LAMA4: variants seen among roughly 807,000 people sequenced by gnomAD.
The protein encoded by LAMA4 is laminin subunit alpha-4.
In LAMA4, 127 loss-of-function variants were observed where a neutral mutation model predicts 207.1. The observed-to-expected ratio is 0.61, with a 90% CI of 0.53 to 0.71. The LOEUF is 0.71. LAMA4 is among the 30% of genes least tolerant of loss of function. The pLI is 0.00. For missense variants in LAMA4, 2,093 were observed against 2,246.5 expected, an observed-to-expected ratio of 0.93 and a Z score of 1.38; for synonymous variants, 761 against 816.0, an observed-to-expected ratio of 0.93 and a Z score of 1.15.
At chr6:112,149,384 T>G (rs1271014704) in intron 17 of LAMA4, among the ~76,000 whole-genome samples, 2 of 152,144 alleles carry the variant, frequency 1.3e-5, no homozygotes, top group Non-Finnish European at 2.9e-5. Flanking sequence ...AATCTCATCT[T>G]GAATTGTAAT....
chr6:112,191,532 G>A, intron 6 of LAMA4, 104 bp downstream of exon 6: 1 of 819,994 alleles, frequency 1.2e-6, no homozygotes. Context: ...AAGTGACAAG[G>A]GGGCACTCAC....
At chr6:112,206,371 A>G (rs1037104592) in intron 4 of LAMA4, among the ~76,000 whole-genome samples, 30 of 152,222 alleles carry the variant, frequency 2.0e-4, no homozygotes, top group African/African-American at 7.0e-4. Context: ...GGAAAACCAT[A>G]TATCACTATA....
intron 6 of LAMA4, among the ~76,000 whole-genome samples, chr6:112,190,551 A>G (rs1490600369): frequency 6.6e-6 from 1 of 152,230 alleles, no homozygotes; most frequent in African/African-American, 2.4e-5. Flanking sequence ...CATAAGAGTA[A>G]GACATACTCA....
At position 112,254,290 on chromosome 6, in the gene LAMA4, A is replaced by T; in HGVS notation, c.-140T>A. ...ATCCCGAGGTGGCTGCGCAACCAGC[A>T]GCTTAGGAAATAAAGGGAAAGTGCG... is the stretch of plus-strand genomic sequence containing the variant. On this transcript the variant is annotated splice_region_variant and 5_prime_UTR_variant, in exon 2 of 39. Coordinates refer to ENST00000230538, the MANE Select transcript of LAMA4 (RefSeq NM_001105206.3). The T allele has an allele frequency of 9.9e-7, 1 of 1,014,672 alleles. No homozygotes were observed. Among genetic ancestry groups the T allele is most frequent in the Non-Finnish European group, 1.5e-6 (1 of 665,058 alleles). The allele number at this position is 1,014,672 out of a possible 1,614,324, so 62.9% of individuals were successfully genotyped here.
intron 31 of LAMA4, among the ~76,000 whole-genome samples, chr6:112,127,239 A>G (rs1562636526): frequency 6.6e-6 from 1 of 152,114 alleles, no homozygotes; most frequent in East Asian, 1.9e-4. Context: ...AAAGCATGCT[A>G]ATAAATTACA....
intron 4 of LAMA4, among the ~76,000 whole-genome samples, chr6:112,205,895 T>C (rs551930282): frequency 9.9e-4 from 150 of 152,276 alleles, no homozygotes; most frequent in South Asian, 4.4e-3. Flanking sequence ...CATGAAACTT[T>C]GATAAAAACT....
At chr6:112,205,279 C>A (rs1554353868) in intron 4 of LAMA4, among the ~76,000 whole-genome samples, 1 of 152,154 alleles carries the variant, frequency 6.6e-6, no homozygotes, top group East Asian at 1.9e-4. Flanking sequence ...GTTTAGGGTA[C>A]AAACCCAAAT....
chr6:112,191,945 T>C, intron 5 of LAMA4, 95 bp from the exon 6 acceptor site: 1 of 1,018,820 alleles, frequency 9.8e-7, no homozygotes, highest in Non-Finnish European at 1.5e-6. Context: ...TAGTGGATAT[T>C]TATTGATTTC....
intron 12 of LAMA4, chr6:112,171,677 CAAA>C (rs56725081): frequency 3.2e-3 from 447 of 140,418 alleles, no homozygotes; most frequent in East Asian, 0.012. Context: ...ATTCATTTAG[CAAA>C]AAAAAAAAAA....
rs1554330588 is a variant in LAMA4 at position 112,133,472 on chromosome 6, G to T, written c.3573C>A (p.His1191Gln). ...EILQSRALRA[H>Q]LPLDINFRGC... ...CTCTGAAGTTGATATCTAGGGGAAG[G>T]TGTGCTCTGAGGGCCCTGGAAAAGA... The change falls in exon 27 of 39, where the codon CAC (histidine) becomes CAA (glutamine). Residue 1191 changes from histidine (H) to glutamine (Q), a missense_variant. Coordinates refer to ENST00000230538, the MANE Select transcript of LAMA4 (RefSeq NM_001105206.3). 1 of 1,613,634 alleles carries T rather than the reference G, an allele frequency of 6.2e-7. No homozygotes were observed. The highest frequency in any genetic ancestry group is 1.1e-5 in the South Asian group (1 of 91,072).
At chr6:112,212,904 T>C (rs1276067574) in intron 3 of LAMA4, among the ~76,000 whole-genome samples, 1 of 152,144 alleles carries the variant, frequency 6.6e-6, no homozygotes, top group African/African-American at 2.4e-5. Flanking sequence ...TACACAGTAA[T>C]AAAATAGAGT....
At chr6:112,202,598 T>C (rs1554352971) in intron 4 of LAMA4, among the ~76,000 whole-genome samples, 1 of 152,164 alleles carries the variant, frequency 6.6e-6, no homozygotes, top group African/African-American at 2.4e-5. Context: ...GGAAAGCAAA[T>C]AGATGTGTTT....
intron 19 of LAMA4, 110 bp downstream of exon 19, chr6:112,144,684 T>G: frequency 7.9e-7 from 1 of 1,265,910 alleles, no homozygotes; most frequent in Non-Finnish European, 1.1e-6. Flanking sequence ...AACTACTGAG[T>G]TGGAGAATAC....
intron 3 of LAMA4, among the ~76,000 whole-genome samples, chr6:112,212,243 T>A (rs1425735559): frequency 1.5e-5 from 2 of 136,026 alleles, no homozygotes; most frequent in South Asian, 2.3e-4. Flanking sequence ...TTTTTTTTTT[T>A]AACAGAGTCT....
Position 112,154,908 on chromosome 6 carries a change from C to A in LAMA4, c.1999G>T (p.Asp667Tyr), listed in dbSNP as rs397516720. The A allele has an allele frequency of 4.9e-4, 798 of 1,613,518 alleles. 7 individuals are homozygous for A. The South Asian group carries it at 7.3e-3, about 15-fold the overall frequency. Residue 667 changes from aspartate (D) to tyrosine (Y), a missense_variant, in exon 16 of 39, where the codon GAT becomes TAT. Asp to Tyr is a radical substitution (Grantham distance 160, BLOSUM62 -3). This residue lies in a region of LAMA4 where 1,704 missense variants were observed against 1,788.4 expected (regional missense o/e 0.95). Transcript: ENST00000230538. ...TGATTGAGGAGGTTCTCACTTTCATCTTTATGGTAAATGATTTGAGTATCA... is the reference window on the plus strand; with the variant it reads ...TGATTGAGGAGGTTCTCACTTTCATATTTATGGTAAATGATTTGAGTATCA... ...GIDTQIIYHK[D>Y]ESENLLNQAR...
chr6:112,115,213 G>A (rs782143405), intron 36 of LAMA4, among the ~76,000 whole-genome samples: 22 of 152,230 alleles, frequency 1.4e-4, no homozygotes, highest in Non-Finnish European at 2.8e-4. Flanking sequence ...GTAAAGCTTA[G>A]AATAGTACCC....
At position 112,155,695 on chromosome 6, in the gene LAMA4, C is replaced by T. The variant is rs1554336789; in HGVS notation, c.1829G>A (p.Ser610Asn). 6.2e-7 allele frequency: 1 copy of T among 1,614,110 alleles called. No individual in the cohort carries two copies. The highest frequency in any genetic ancestry group is 1.7e-5 in the Admixed American group (1 of 60,030). ...CTGTACCAGCCCGTTCATATCTGAA[C>T]TGTGCAACTTCCTGTTAATAAACAA... ...EANELSRKLH[S>N]SDMNGLVQKA... is the part of the protein sequence containing the mutation. Residue 610 changes from serine (S) to asparagine (N), a missense_variant, in exon 15 of 39, where the codon AGT becomes AAT. Ser to Asn is a conservative substitution (Grantham distance 46, BLOSUM62 1). Coordinates refer to ENST00000230538, the MANE Select transcript of LAMA4 (RefSeq NM_001105206.3).
At chr6:112,191,543 A>G in intron 6 of LAMA4, 93 bp downstream of exon 6, 2 of 950,374 alleles carry the variant, frequency 2.1e-6, no homozygotes, top group Non-Finnish European at 3.3e-6. Context: ...GGGCACTCAC[A>G]ATACTTCCCC....
intron 11 of LAMA4, 150 bp downstream of exon 11, chr6:112,175,162 GA>G: frequency 1.3e-6 from 1 of 784,094 alleles, no homozygotes; most frequent in Non-Finnish European, 2.2e-6. Flanking sequence ...TGTCCTGAAT[GA>G]TTCCCTGTGG....
Sources: allele counts gnomAD v4.1 joint callset (sites outside exome capture counted in the v4.1 genomes callset), GRCh38; gene constraint gnomAD v4.1.1; regional missense constraint gnomAD v4.1.1; transcripts MANE v1.5; gene names NCBI Gene and HGNC (gene_info 2026-07-23, HGNC 2026-07-21).